The following FLACC1 variants were observed in gnomAD, a reference collection of about 807,000 sequenced individuals.
FLACC1 encodes the protein flagellum associated containing coiled-coil domains 1.
In FLACC1, 66 loss-of-function variants were observed where a neutral mutation model predicts 62.8. The observed-to-expected ratio is 1.05, with a 90% CI of 0.86 to 1.29. The LOEUF is 1.29. FLACC1 is among the 50% of genes most tolerant of loss of function. The probability of loss-of-function intolerance (pLI) is 0.00; values close to 1 mark genes in which losing one functional copy is unlikely to be tolerated. For synonymous variants in FLACC1, 156 were observed against 161.0 expected (o/e 0.97, Z 0.24); for missense variants, 452 against 489.1 (o/e 0.92, Z 0.71).
chr2:201,308,346 C>T (rs371394035), intron 10 of FLACC1, among the ~76,000 whole-genome samples: 25 of 152,348 alleles, frequency 1.6e-4, no homozygotes, highest in Non-Finnish European at 2.5e-4. Context: ...GCAGCTCCCC[C>T]TCCCGTTCCC....
intron 7 of FLACC1, among the ~76,000 whole-genome samples, chr2:201,339,753 C>A (rs1480180247): frequency 6.6e-6 from 1 of 152,052 alleles, no homozygotes; most frequent in African/African-American, 2.4e-5. Context: ...TTATTCTAAT[C>A]TTATAAGTGT....
chr2:201,296,006 G>GA (rs1276498649), intron 12 of FLACC1, among the ~76,000 whole-genome samples: 1 of 152,060 alleles, frequency 6.6e-6, no homozygotes, highest in African/African-American at 2.4e-5. Flanking sequence ...AAAAAGTCAG[G>GA]AAACAACAGG....
intron 12 of FLACC1, among the ~76,000 whole-genome samples, chr2:201,298,948 T>A (rs1277002022): frequency 2.6e-5 from 4 of 152,220 alleles, no homozygotes; most frequent in Admixed American, 6.5e-5. Flanking sequence ...TGAAAGATCA[T>A]TTGTGGTTTG....
intron 7 of FLACC1, among the ~76,000 whole-genome samples, chr2:201,340,849 C>T (rs1054751792): frequency 2.0e-5 from 3 of 152,172 alleles, no homozygotes; most frequent in African/African-American, 7.2e-5. Flanking sequence ...TCTATTTCTC[C>T]CTCAACTGGG....
At chr2:201,322,292 C>T (rs543675518) in intron 9 of FLACC1, among the ~76,000 whole-genome samples, 12 of 150,120 alleles carry the variant, frequency 8.0e-5, no homozygotes, top group East Asian at 7.8e-4. Flanking sequence ...AAAAACTGGA[C>T]GAAAATGCGT....
chr2:201,297,187 C>T (rs1949883117), intron 12 of FLACC1, among the ~76,000 whole-genome samples: 1 of 152,100 alleles, frequency 6.6e-6, no homozygotes, highest in African/African-American at 2.4e-5. Flanking sequence ...TTTGAGGTGT[C>T]TGTATGTCAC....
intron 12 of FLACC1, among the ~76,000 whole-genome samples, chr2:201,293,534 A>T (rs1485538047): frequency 1.3e-5 from 2 of 152,250 alleles, no homozygotes; most frequent in African/African-American, 4.8e-5. Context: ...TGTGTAGGGG[A>T]AATTTATGGC....
intron 9 of FLACC1, among the ~76,000 whole-genome samples, chr2:201,324,625 T>G (rs1950467923): frequency 6.6e-6 from 1 of 152,198 alleles, no homozygotes; most frequent in Admixed American, 6.5e-5. Flanking sequence ...CAAGTCTCAA[T>G]TAATTTTTAA....
chr2:201,338,810 C>T (rs1356076192), intron 7 of FLACC1, among the ~76,000 whole-genome samples: 1 of 152,088 alleles, frequency 6.6e-6, no homozygotes, highest in Non-Finnish European at 1.5e-5. Context: ...ATTTGGTTTG[C>T]TAGTATTTCA....
intron 12 of FLACC1, among the ~76,000 whole-genome samples, chr2:201,297,507 G>A (rs1043137103): frequency 6.6e-6 from 1 of 152,198 alleles, no homozygotes; most frequent in Admixed American, 6.5e-5. Context: ...GGAAACACCA[G>A]AAGCCCATGA....
intron 13 of FLACC1, 63 bp downstream of exon 13, chr2:201,289,633 C>G: frequency 2.5e-6 from 4 of 1,611,976 alleles, no homozygotes; most frequent in Middle Eastern, 3.3e-4. Flanking sequence ...AGCTATATGG[C>G]AGAGCTGGAT....
intron 9 of FLACC1, among the ~76,000 whole-genome samples, chr2:201,316,211 C>A (rs1344104253): frequency 6.6e-6 from 1 of 151,914 alleles, no homozygotes; most frequent in Non-Finnish European, 1.5e-5. Context: ...AAGATCAGAG[C>A]AGAACTGAAT....
intron 10 of FLACC1, 39 bp downstream of exon 10, chr2:201,309,112 T>A: frequency 6.4e-7 from 1 of 1,564,818 alleles, no homozygotes; most frequent in Non-Finnish European, 8.8e-7. Flanking sequence ...AGTTTTTTAA[T>A]GCACTTGTCA....
At chr2:201,330,565 T>A in intron 8 of FLACC1, 43 bp from the exon 9 acceptor site, 2 of 1,597,740 alleles carry the variant, frequency 1.3e-6, no homozygotes, top group Non-Finnish European at 1.7e-6. Flanking sequence ...AGTCTTCTGA[T>A]ATGCACATTT....
Position 201,348,302 on chromosome 2 carries a change from T to C in FLACC1, c.186A>G (p.Lys62=), listed in dbSNP as rs1950958947. ...CTTGCCTTGCTGAATGGATTTTCATTCTGCAAGAGAAAGACATGCTCAGAA... is the reference window on the plus strand; with the variant it reads ...CTTGCCTTGCTGAATGGATTTTCATCCTGCAAGAGAAAGACATGCTCAGAA... The part of the protein sequence containing the change: ...LQPTKPVVSP[K]MKIHSARQEE... The change falls in exon 4 of 15, where the codon AAA becomes AAG. Residue 62 remains lysine, a splice_region_variant and synonymous_variant. Coordinates refer to ENST00000392257, the MANE Select transcript of FLACC1 (RefSeq NM_001127391.3). The C allele has an allele frequency of 5.0e-6, 8 of 1,612,328 alleles. No individual in the cohort carries two copies. Among genetic ancestry groups the C allele is most frequent in the Non-Finnish European group, 6.8e-6 (8 of 1,179,782 alleles).
chr2:201,308,351 G>A (rs776350146), intron 10 of FLACC1, among the ~76,000 whole-genome samples: 3 of 152,136 alleles, frequency 2.0e-5, no homozygotes, highest in Admixed American at 1.3e-4. Context: ...TCCCCCTCCC[G>A]TTCCCCAGCC....
chr2:201,297,689 A>AG (rs1949894478), intron 12 of FLACC1, among the ~76,000 whole-genome samples: 1 of 152,160 alleles, frequency 6.6e-6, no homozygotes, highest in African/African-American at 2.4e-5. Context: ...TGAGGTGTAA[A>AG]GGGGAGGTGA....
At chr2:201,310,368 G>A (rs560325945) in intron 9 of FLACC1, among the ~76,000 whole-genome samples, 3 of 152,132 alleles carry the variant, frequency 2.0e-5, no homozygotes, top group South Asian at 2.1e-4. Flanking sequence ...TTGATAGAGC[G>A]ACCAAGTGTC....
At chr2:201,322,124 T>C (rs979772376) in intron 9 of FLACC1, among the ~76,000 whole-genome samples, 5 of 151,444 alleles carry the variant, frequency 3.3e-5, no homozygotes, top group African/African-American at 1.2e-4. Flanking sequence ...CAAAAATTAG[T>C]TGGGTGTGGT....
Sources: allele counts gnomAD v4.1 joint callset (sites outside exome capture counted in the v4.1 genomes callset), GRCh38; gene constraint gnomAD v4.1.1; transcripts MANE v1.5; gene names NCBI Gene and HGNC (gene_info 2026-07-23, HGNC 2026-07-21).